Variants in GAN observed in about 807,000 individuals in gnomAD.
GAN encodes gigaxonin, also known as epididymis secretory sperm binding protein.
GAN carries 48 observed loss-of-function variants against 71.3 expected under a neutral mutation model. That is an observed-to-expected ratio of 0.67 (90% CI 0.53 to 0.86). The LOEUF (loss-of-function observed/expected upper bound fraction) is 0.86. Ranked by LOEUF, GAN falls within the 40% of genes least tolerant of loss-of-function variation. The pLI is 0.00. For synonymous variants in GAN, 386 were observed against 276.8 expected, an observed-to-expected ratio of 1.39 and a Z score of -3.92; for missense variants, 928 against 770.1, an observed-to-expected ratio of 1.21 and a Z score of -2.43.
At position 81,366,026 on chromosome 16, in the gene GAN, A is replaced by G. The variant is rs551138574; in HGVS notation, c.1502+548A>G. 3.3e-5 allele frequency among the ~76,000 whole-genome samples: 5 copies of G among 152,128 alleles called. No individual in the cohort carries two copies. The East Asian group carries it at 5.8e-4, about 18-fold the overall frequency. ...GTGTGGTTGTCTCAGCTCTGTTCGT[A>G]TTGCTGCTACTTGCCTAAAAGCTCC... On this transcript the variant is annotated intron_variant, in intron 9 of 10. Coordinates refer to ENST00000648994, the MANE Select transcript of GAN (RefSeq NM_022041.4).
chr16:81,318,705 G>A (rs547375290), intron 1 of GAN, among the ~76,000 whole-genome samples: 1 of 152,190 alleles, frequency 6.6e-6, no homozygotes, highest in South Asian at 2.1e-4. Flanking sequence ...TGTTTTTCCT[G>A]CTGACACCCT....
At chr16:81,342,460 A>G (rs1054835654) in intron 1 of GAN, among the ~76,000 whole-genome samples, 2 of 152,256 alleles carry the variant, frequency 1.3e-5, no homozygotes, top group African/African-American at 4.8e-5. Flanking sequence ...TCAAATTAGA[A>G]TTCAGGATTC....
At position 81,318,597 on chromosome 16, in the gene GAN, TTAAAG is replaced by T. The variant is rs1255575704; in HGVS notation, c.167+3321_167+3325del. Among the ~76,000 whole-genome samples the T allele has an allele frequency of 2.0e-5, 3 of 152,362 alleles. No individual in the cohort carries two copies. The East Asian group carries it at 5.8e-4, about 29-fold the overall frequency. On this transcript the variant is annotated intron_variant, in intron 1 of 10. Transcript: ENST00000648994. Reference sequence around the variant, plus strand: ...CAGTCCAACTCTGTCACACTGGGAATTAAAGTAACTTGTTTGGCATACTTTCTACT... The same window carrying T: ...CAGTCCAACTCTGTCACACTGGGAATTAACTTGTTTGGCATACTTTCTACT...
intron 1 of GAN, among the ~76,000 whole-genome samples, chr16:81,348,390 C>G (rs926736150): frequency 1.3e-5 from 2 of 152,150 alleles, no homozygotes; most frequent in African/African-American, 4.8e-5. Flanking sequence ...ATCTTTACTT[C>G]CTTTAAGTTA....
intron 7 of GAN, 75 bp from the exon 8 acceptor site, chr16:81,364,899 A>T: frequency 6.4e-6 from 9 of 1,410,246 alleles, no homozygotes; most frequent in Non-Finnish European, 9.0e-6. Context: ...AGTATGGCCC[A>T]GACAGTTTAA....
chr16:81,357,327 G>T (rs552807786), intron 4 of GAN, among the ~76,000 whole-genome samples: 27 of 152,130 alleles, frequency 1.8e-4, no homozygotes, highest in East Asian at 1.7e-3. Flanking sequence ...TCATTGTTCA[G>T]TTCCCACCTA....
rs78512761 is a variant in GAN, at chr16:81,389,497, G to A, written c.*11901G>A. 4.7e-3 allele frequency: 721 copies of A among 152,372 alleles called. 2 individuals carry two copies. Among genetic ancestry groups the A allele is most frequent in the Middle Eastern group, 0.017 (5 of 294 alleles). 9.4% of individuals were successfully genotyped at this position (152,372 alleles called of 1,614,324 possible). A position where few individuals can be genotyped will look rare whatever the true frequency, so the allele number is the denominator to read the frequency against. ...AGCACCCCCTGCTCTGCCCACCTCC[G>A]CAGAGTCCTGTCCTCATCAGAAACG... On this transcript the variant is annotated 3_prime_UTR_variant, in exon 11 of 11. Transcript: ENST00000648994.
intron 9 of GAN, among the ~76,000 whole-genome samples, chr16:81,372,726 T>G (rs1260263201): frequency 6.6e-6 from 1 of 152,258 alleles, no homozygotes; most frequent in Non-Finnish European, 1.5e-5. Context: ...ATTCAGAATC[T>G]GGGAAGAACT....
At chr16:81,369,254 A>G (rs565450353) in intron 9 of GAN, among the ~76,000 whole-genome samples, 2 of 152,330 alleles carry the variant, frequency 1.3e-5, no homozygotes, top group South Asian at 2.1e-4. Context: ...GGGAGCCACC[A>G]TGACAACAAG....
Position 81,315,296 on chromosome 16 carries a change from C to T in GAN, c.167+16C>T, listed in dbSNP as rs1377956860. 1.1e-5 allele frequency: 16 copies of T among 1,441,848 alleles called. No individual in the cohort carries two copies. The highest frequency in any genetic ancestry group is 3.2e-5 in the East Asian group (1 of 30,960). 89.3% of individuals were successfully genotyped at this position (1,441,848 alleles called of 1,614,324 possible). A position where few individuals can be genotyped will look rare whatever the true frequency, so the allele number is the denominator to read the frequency against. Reference sequence around the variant, plus strand: ...CGTACATCAGGTGGGGAGGGGGCTACGGCGGGCGGGCGCGGCGGTGCTGCC... The same window carrying T: ...CGTACATCAGGTGGGGAGGGGGCTATGGCGGGCGGGCGCGGCGGTGCTGCC... On this transcript the variant is annotated intron_variant, in intron 1 of 10. Transcript: ENST00000648994.
intron 5 of GAN, among the ~76,000 whole-genome samples, chr16:81,358,986 A>G (rs530075244): frequency 1.6e-4 from 25 of 152,256 alleles, no homozygotes; most frequent in Admixed American, 8.5e-4. Flanking sequence ...GGATCTTGCA[A>G]TGTTGCCCAG....
intron 9 of GAN, among the ~76,000 whole-genome samples, chr16:81,367,865 A>G (rs1430250576): frequency 1.3e-5 from 2 of 152,198 alleles, no homozygotes; most frequent in Non-Finnish European, 2.9e-5. Context: ...CTTTTCAACT[A>G]CCACGCTAGA....
intron 1 of GAN, among the ~76,000 whole-genome samples, chr16:81,322,273 GTAAA>G (rs573807236): frequency 8.6e-4 from 131 of 152,324 alleles, no homozygotes; most frequent in Non-Finnish European, 1.5e-3. Flanking sequence ...GAATACTTAG[GTAAA>G]TAAGATCTTG....
At chr16:81,351,530 T>C in intron 1 of GAN, 53 bp from the exon 2 acceptor site, 1 of 795,556 alleles carries the variant, frequency 1.3e-6, no homozygotes, top group Admixed American at 1.7e-5. Flanking sequence ...CATAAATATT[T>C]ATAGCTATTT....
chr16:81,357,529 C>G (rs1026068349), intron 4 of GAN, among the ~76,000 whole-genome samples: 3 of 152,132 alleles, frequency 2.0e-5, no homozygotes, highest in South Asian at 2.1e-4. Flanking sequence ...GGGTTGGTTC[C>G]AAGTCTTTGC....
At chr16:81,366,811 G>A (rs1383573812) in intron 9 of GAN, among the ~76,000 whole-genome samples, 1 of 152,044 alleles carries the variant, frequency 6.6e-6, no homozygotes, top group African/African-American at 2.4e-5. Context: ...TTGCCCAAGG[G>A]ATGAAGTCTT....
At chr16:81,347,042 C>T (rs1287069400) in intron 1 of GAN, among the ~76,000 whole-genome samples, 1 of 152,174 alleles carries the variant, frequency 6.6e-6, no homozygotes, top group African/African-American at 2.4e-5. Flanking sequence ...ATAGTCATGA[C>T]ATCCTAAGTG....
At chr16:81,367,216 T>C (rs544944023) in intron 9 of GAN, among the ~76,000 whole-genome samples, 1 of 152,302 alleles carries the variant, frequency 6.6e-6, no homozygotes, top group Admixed American at 6.5e-5. Context: ...CTGTGGTTCC[T>C]TCTTTGCTGT....
chr16:81,342,357 T>C (rs969721197), intron 1 of GAN, among the ~76,000 whole-genome samples: 1 of 152,174 alleles, frequency 6.6e-6, no homozygotes, highest in African/African-American at 2.4e-5. Flanking sequence ...ATTGCACTTA[T>C]TCTAAAATTG....
Sources: allele counts gnomAD v4.1 joint callset (sites outside exome capture counted in the v4.1 genomes callset), GRCh38; gene constraint gnomAD v4.1.1; transcripts MANE v1.5; gene names NCBI Gene and HGNC (gene_info 2026-07-23, HGNC 2026-07-21).